CYP27A1: variants seen among roughly 807,000 people sequenced by gnomAD.
CYP27A1 encodes cytochrome P450 family 27 subfamily A member 1.
CYP27A1 carries 46 observed loss-of-function variants against 58.2 expected under a neutral mutation model. That is an observed-to-expected ratio of 0.79 (90% CI 0.62 to 1.01). The LOEUF (loss-of-function observed/expected upper bound fraction) is 1.01, where lower values mean the gene tolerates loss of function less well. Ranked by LOEUF, CYP27A1 falls within the 50% of genes least tolerant of loss-of-function variation. CYP27A1 has a pLI of 0.00. For missense variants in CYP27A1, 704 were observed against 687.0 expected (o/e 1.02, Z -0.28); for synonymous variants, 274 against 285.1 (o/e 0.96, Z 0.39).
intron 8 of CYP27A1, 48 bp from the exon 9 acceptor site, chr2:218,814,863 A>G: frequency 6.2e-7 from 1 of 1,614,104 alleles, no homozygotes; most frequent in African/African-American, 1.3e-5. Flanking sequence ...CGGGGAGTGG[A>G]TGGCAAACAC....
intron 1 of CYP27A1, among the ~76,000 whole-genome samples, chr2:218,792,238 C>T (rs1049207951): frequency 2.0e-5 from 3 of 152,094 alleles, no homozygotes; most frequent in Admixed American, 6.6e-5. Flanking sequence ...TCTTGGATAC[C>T]AGTTGTTTCT....
In CYP27A1 at chr2:218,791,236, G is replaced by T. The variant is rs552596751; in HGVS notation, c.255+8799G>T. ...AGAAGAGTTAAGACCTCCTGGCAAT[G>T]ATCTTTTTAAACCATGATGTAGGTT... On this transcript the variant is annotated intron_variant, in intron 1 of 8. Coordinates refer to ENST00000258415, the MANE Select transcript of CYP27A1 (RefSeq NM_000784.4). Among the ~76,000 whole-genome samples, 9 of 152,334 alleles carry T rather than the reference G, an allele frequency of 5.9e-5. No individual in the cohort carries two copies. The South Asian group carries it at 1.7e-3, about 28-fold the overall frequency.
chr2:218,813,191 C>A, intron 5 of CYP27A1, 95 bp downstream of exon 5: 1 of 1,139,252 alleles, frequency 8.8e-7, no homozygotes, highest in Non-Finnish European at 1.2e-6. Flanking sequence ...TTCATCCCTC[C>A]AAGGACCTGC....
intron 1 of CYP27A1, among the ~76,000 whole-genome samples, chr2:218,790,410 C>T (rs1294343872): frequency 6.6e-6 from 1 of 152,074 alleles, no homozygotes; most frequent in African/African-American, 2.4e-5. Flanking sequence ...GCCAGGTTCC[C>T]CATAAAACAA....
intron 1 of CYP27A1, among the ~76,000 whole-genome samples, chr2:218,793,381 G>T (rs1029002422): frequency 6.6e-6 from 1 of 152,112 alleles, no homozygotes; most frequent in African/African-American, 2.4e-5. Context: ...TGGCCTAAAA[G>T]ATACTTAAAA....
intron 1 of CYP27A1, among the ~76,000 whole-genome samples, chr2:218,806,409 A>T (rs1943651621): frequency 2.0e-5 from 3 of 152,246 alleles, no homozygotes. Flanking sequence ...TGGTAGCCAC[A>T]ACTCAGAGGG....
Position 218,814,898 on chromosome 2 carries a change from C to G in CYP27A1, c.1477-13C>G. ...CACAATCCACCCAACCACATGTGCT[C>G]TTTACCCCCCAGCTGATCCAGAAGT... On this transcript the variant is annotated splice_polypyrimidine_tract_variant and intron_variant, in intron 8 of 8. Transcript: ENST00000258415. 6.2e-7 allele frequency: 1 copy of G among 1,614,210 alleles called. No individual in the cohort carries two copies. Among genetic ancestry groups the G allele is most frequent in the Non-Finnish European group, 8.5e-7 (1 of 1,180,034 alleles).
At chr2:218,792,549 G>A (rs562323507) in intron 1 of CYP27A1, among the ~76,000 whole-genome samples, 2 of 152,150 alleles carry the variant, frequency 1.3e-5, no homozygotes, top group African/African-American at 4.8e-5. Context: ...GGTTCTTTCT[G>A]TCCTTTCATG....
intron 1 of CYP27A1, among the ~76,000 whole-genome samples, chr2:218,795,639 A>G (rs924110459): frequency 1.3e-5 from 2 of 152,222 alleles, no homozygotes; most frequent in South Asian, 2.1e-4. Flanking sequence ...GCTGCAGCCA[A>G]AGATTGCTGG....
rs536683406 is a variant in CYP27A1, at chr2:218,810,709, G to A, written c.446+942G>A. Among the ~76,000 whole-genome samples the A allele has an allele frequency of 1.6e-4, 25 of 152,256 alleles. 2 individuals carry two copies. The South Asian group carries it at 4.8e-3, about 29-fold the overall frequency. On this transcript the variant is annotated intron_variant, in intron 2 of 8. Coordinates refer to ENST00000258415, the MANE Select transcript of CYP27A1 (RefSeq NM_000784.4). Reference sequence around the variant, plus strand: ...GAGAGAGTTTTACTTTTGGAACAACGTGAAGTCCCAACAAATAGGTCTATT... The same window carrying A: ...GAGAGAGTTTTACTTTTGGAACAACATGAAGTCCCAACAAATAGGTCTATT...
Position 218,782,283 on chromosome 2 carries a change from C to T in CYP27A1, c.101C>T (p.Ala34Val). The T allele has an allele frequency of 1.3e-6, 2 of 1,589,708 alleles. No individual in the cohort carries two copies. Among genetic ancestry groups the T allele is most frequent in the Admixed American group, 1.8e-5 (1 of 56,376 alleles). ...GARAKAAIPA[A>V]LPSDKATGAP... ...AGAGCCAAGGCCGCGATCCCTGCCG[C>T]CCTCCCCTCGGACAAGGCCACCGGA... The change falls in exon 1 of 9, where the codon GCC becomes GTC. Residue 34 changes from alanine (A) to valine (V), a missense_variant. Ala to Val is a moderately conservative substitution (Grantham distance 64). Coordinates refer to ENST00000258415, the MANE Select transcript of CYP27A1 (RefSeq NM_000784.4). This position sits in a 1 kb window ranked among gnomAD's most constrained non-coding sequence, Gnocchi z 4.1.
At chr2:218,811,128 CAAACA>C (rs1173771778) in intron 2 of CYP27A1, among the ~76,000 whole-genome samples, 2 of 152,212 alleles carry the variant, frequency 1.3e-5, no homozygotes, top group African/African-American at 4.8e-5. Flanking sequence ...GACTCTGTCT[CAAACA>C]AAACAAAACA....
At chr2:218,793,434 G>A (rs150214280) in intron 1 of CYP27A1, among the ~76,000 whole-genome samples, 33 of 152,232 alleles carry the variant, frequency 2.2e-4, no homozygotes, top group Non-Finnish European at 2.2e-4. Context: ...TCAGTTTTCC[G>A]AACAATCAAA....
chr2:218,796,019 C>T (rs866919009), intron 1 of CYP27A1, among the ~76,000 whole-genome samples: 1 of 152,138 alleles, frequency 6.6e-6, no homozygotes, highest in African/African-American at 2.4e-5. Flanking sequence ...CTTTAAGGTC[C>T]CAAGATAAAC....
chr2:218,789,623 C>T (rs554834154), intron 1 of CYP27A1, among the ~76,000 whole-genome samples: 6 of 152,320 alleles, frequency 3.9e-5, no homozygotes, highest in South Asian at 2.1e-4. Context: ...ACTCCATTTA[C>T]GTTATAGTTT....
At chr2:218,804,803 A>T (rs1449744342) in intron 1 of CYP27A1, among the ~76,000 whole-genome samples, 1 of 152,218 alleles carries the variant, frequency 6.6e-6, no homozygotes, top group Non-Finnish European at 1.5e-5. Context: ...TACTATCATT[A>T]GTCTGTTTGG....
intron 1 of CYP27A1, among the ~76,000 whole-genome samples, chr2:218,799,555 T>G (rs962011093): frequency 3.9e-5 from 6 of 152,154 alleles, no homozygotes; most frequent in African/African-American, 1.4e-4. Flanking sequence ...CTCTGACTGT[T>G]AAGGGGGCAG....
chr2:218,787,208 C>G (rs1319992564), intron 1 of CYP27A1, among the ~76,000 whole-genome samples: 5 of 152,194 alleles, frequency 3.3e-5, no homozygotes, highest in Admixed American at 1.3e-4. Flanking sequence ...CAGGCACGGT[C>G]TTAGGCATAG....
intron 1 of CYP27A1, among the ~76,000 whole-genome samples, chr2:218,793,856 G>A (rs1445522696): frequency 6.6e-6 from 1 of 151,962 alleles, no homozygotes; most frequent in Non-Finnish European, 1.5e-5. Context: ...TGGGATTATA[G>A]GTATGCGCCA....
Sources: gnomAD v4.1 joint callset for allele counts (sites outside exome capture counted in the v4.1 genomes callset) on GRCh38, gnomAD v4.1.1 for gene constraint, Gnocchi (gnomAD v3.1) non-coding constraint, MANE v1.5 for transcripts, NCBI Gene and HGNC (gene_info 2026-07-23, HGNC 2026-07-21) for gene names.